ARHGAP20: variants seen among roughly 807,000 people sequenced by gnomAD.
ARHGAP20 encodes rho GTPase-activating protein 20.
A neutral mutation model predicts 73.7 loss-of-function variants in ARHGAP20; 34 were observed. The observed-to-expected ratio is 0.46, with a 90% CI of 0.35 to 0.61. ARHGAP20 has a LOEUF of 0.61. ARHGAP20 is among the 20% of genes least tolerant of loss of function. The pLI is 0.00. For missense variants in ARHGAP20, 1,314 were observed against 1,420.9 expected (o/e 0.92, Z 1.21); for synonymous variants, 523 against 518.2 (o/e 1.01, Z -0.13).
At chr11:110,590,981 G>C (rs914111713) in intron 10 of ARHGAP20, among the ~76,000 whole-genome samples, 172 bp from the exon 11 acceptor site, 9 of 152,178 alleles carry the variant, frequency 5.9e-5, no homozygotes, top group African/African-American at 2.2e-4. Context: ...GAGAGTGGAA[G>C]GGTGGTTACC....
At chr11:110,700,839 G>A (rs1950434113) in intron 1 of ARHGAP20, among the ~76,000 whole-genome samples, 1 of 149,638 alleles carries the variant, frequency 6.7e-6, no homozygotes, top group Admixed American at 6.7e-5. Context: ...AATATGCGGT[G>A]TTTGGTTTTT....
Position 110,614,660 on chromosome 11 carries a change from C to T in ARHGAP20, c.546-15G>A, listed in dbSNP as rs190111519. ...GATTGATGTATCTAATCAAATGCAACAGCAACCCAAAACAACACTGAGTCA... is the reference window on the plus strand; with the variant it reads ...GATTGATGTATCTAATCAAATGCAATAGCAACCCAAAACAACACTGAGTCA... On this transcript the variant is annotated splice_polypyrimidine_tract_variant and intron_variant, in intron 5 of 14. Transcript: ENST00000683387. The T allele has an allele frequency of 3.2e-4, 492 of 1,557,868 alleles. 3 individuals are homozygous for T. In the African/African-American group the frequency reaches 6.2e-3, roughly 20 times the overall value.
In ARHGAP20 at chr11:110,583,532, T is replaced by C. The variant is rs764751450; in HGVS notation, c.1605+16A>G. On this transcript the variant is annotated intron_variant, in intron 13 of 14. Coordinates refer to ENST00000683387, the MANE Select transcript of ARHGAP20 (RefSeq NM_001384657.1). ...GACTCAGTCTCCCAGGGCATAAAAA[T>C]GAAAAACTTCATTACCTTTTTTGTA... is the stretch of plus-strand genomic sequence containing the variant. The C allele has an allele frequency of 1.1e-5, 18 of 1,575,358 alleles. No homozygotes were observed. The highest frequency in any genetic ancestry group is 1.5e-5 in the Non-Finnish European group (17 of 1,157,178).
chr11:110,601,971 G>C (rs1188005702), intron 9 of ARHGAP20, among the ~76,000 whole-genome samples: 3 of 140,070 alleles, frequency 2.1e-5, no homozygotes, highest in Admixed American at 6.9e-5. Flanking sequence ...ATAAGAATGA[G>C]ACTTTTTCTC....
chr11:110,672,608 C>T (rs1234328014), intron 2 of ARHGAP20, among the ~76,000 whole-genome samples: 1 of 152,050 alleles, frequency 6.6e-6, no homozygotes, highest in East Asian at 1.9e-4. Context: ...CCACACTTGG[C>T]TAATTTTTTC....
chr11:110,588,056 TCTTG>T (rs1947717061), intron 11 of ARHGAP20, among the ~76,000 whole-genome samples: 1 of 152,234 alleles, frequency 6.6e-6, no homozygotes, highest in Non-Finnish European at 1.5e-5. Flanking sequence ...TTATGATCTG[TCTTG>T]AAGAAAAACA....
At chr11:110,649,878 C>T (rs763113029) in intron 2 of ARHGAP20, among the ~76,000 whole-genome samples, 11 of 152,010 alleles carry the variant, frequency 7.2e-5, no homozygotes, top group Non-Finnish European at 1.3e-4. Flanking sequence ...TTCCAGTTCT[C>T]TCATTGAATG....
rs1235575873 is a variant in ARHGAP20 at position 110,690,549 on chromosome 11, G to A, written c.186C>T (p.Thr62=). ...GTAATACAAAGCTTTGCACTTACCT[G>A]GTAGTAGGCCGTTTTTGTAGGGCTT... The part of the protein sequence containing the change: ...LDKALQKRPT[T]RDSPSASVDT... The change falls in exon 2 of 15, where the codon ACC becomes ACT. Residue 62 remains threonine, a splice_region_variant and synonymous_variant. Transcript: ENST00000683387. 1.2e-6 allele frequency: 2 copies of A among 1,613,382 alleles called. No homozygotes were observed. The highest frequency in any genetic ancestry group is 1.7e-6 in the Non-Finnish European group (2 of 1,179,480).
At chr11:110,664,246 G>C (rs1591154885) in intron 2 of ARHGAP20, among the ~76,000 whole-genome samples, 1 of 152,154 alleles carries the variant, frequency 6.6e-6, no homozygotes, top group Admixed American at 6.5e-5. Flanking sequence ...AACTGTGCTT[G>C]TTCACAGATG....
At chr11:110,667,505 A>G (rs1285758281) in intron 2 of ARHGAP20, among the ~76,000 whole-genome samples, 1 of 152,160 alleles carries the variant, frequency 6.6e-6, no homozygotes, top group Non-Finnish European at 1.5e-5. Flanking sequence ...GCACCTAGTC[A>G]CCCAAGAACT....
chr11:110,627,772 C>T (rs1218445392), intron 3 of ARHGAP20, among the ~76,000 whole-genome samples: 1 of 152,074 alleles, frequency 6.6e-6, no homozygotes, highest in East Asian at 1.9e-4. Flanking sequence ...TATGGGTGCT[C>T]AATGGCTATT....
chr11:110,640,867 C>T (rs7931757), intron 2 of ARHGAP20, among the ~76,000 whole-genome samples: 47,828 of 151,572 alleles, frequency 0.32, 8,002 homozygotes, highest in African/African-American at 0.44. Flanking sequence ...CAAACCTGCA[C>T]GTTGTGCACA....
rs370457379 is a variant in ARHGAP20 at position 110,697,563 on chromosome 11, C to T, written c.106-6934G>A. On this transcript the variant is annotated intron_variant, in intron 1 of 14. Transcript: ENST00000683387. ...CTTATTATTTCTTTTGCTTTGCAGACGCTGTTTAGTTTAATTAAATCCCAT... is the reference window on the plus strand; with the variant it reads ...CTTATTATTTCTTTTGCTTTGCAGATGCTGTTTAGTTTAATTAAATCCCAT... 5.2e-4 allele frequency among the ~76,000 whole-genome samples: 79 copies of T among 151,484 alleles called. 1 individual carries two copies. The highest frequency in any genetic ancestry group is 1.4e-3 in the African/African-American group (56 of 41,456).
chr11:110,629,965 G>A (rs919599240), intron 3 of ARHGAP20, among the ~76,000 whole-genome samples: 1 of 152,198 alleles, frequency 6.6e-6, no homozygotes, highest in African/African-American at 2.4e-5. Context: ...ATGTTTTTGG[G>A]TAATTTGTTA....
chr11:110,648,222 T>TAA (rs1555094934), intron 2 of ARHGAP20, among the ~76,000 whole-genome samples: 15 of 27,706 alleles, frequency 5.4e-4, no homozygotes, highest in African/African-American at 2.8e-3. Context: ...TATATATATG[T>TAA]ATATATATAT....
intron 4 of ARHGAP20, among the ~76,000 whole-genome samples, chr11:110,621,074 C>CAA (rs34424855): frequency 0.11 from 5,062 of 45,394 alleles, 637 homozygotes; most frequent in Non-Finnish European, 0.14. Context: ...AACTCCATCT[C>CAA]AAAAAAAAAA....
intron 2 of ARHGAP20, among the ~76,000 whole-genome samples, chr11:110,661,365 T>C (rs1949607789): frequency 6.6e-6 from 1 of 152,114 alleles, no homozygotes; most frequent in Admixed American, 6.6e-5. Context: ...CATAATTTAG[T>C]TGAAAAGGGC....
At chr11:110,708,400 C>T (rs1272029783) in intron 1 of ARHGAP20, among the ~76,000 whole-genome samples, 1 of 152,030 alleles carries the variant, frequency 6.6e-6, no homozygotes, top group Non-Finnish European at 1.5e-5. Context: ...TAAGTATTTA[C>T]TCCCCCAAAA....
intron 2 of ARHGAP20, among the ~76,000 whole-genome samples, chr11:110,647,238 C>T (rs1591134543): frequency 6.6e-6 from 1 of 152,002 alleles, no homozygotes; most frequent in African/African-American, 2.4e-5. Flanking sequence ...GTTTGAAACA[C>T]CTCTTAGATA....
Sources: allele counts gnomAD v4.1 joint callset (sites outside exome capture counted in the v4.1 genomes callset), GRCh38; gene constraint gnomAD v4.1.1; transcripts MANE v1.5; gene names NCBI Gene and HGNC (gene_info 2026-07-23, HGNC 2026-07-21).